The following UNC79 variants were observed in gnomAD, a reference collection of about 807,000 sequenced individuals.
UNC79 encodes the protein unc-79 subunit of NALCN channel complex.
A neutral mutation model predicts 283.1 loss-of-function variants in UNC79; 37 were observed. The observed-to-expected ratio is 0.13, with a 90% confidence interval of 0.10 to 0.17. UNC79 has a LOEUF of 0.17. UNC79 is among the 10% of genes least tolerant of loss of function. The pLI, the probability that UNC79 is intolerant of heterozygous loss-of-function variation, is 1.00. For missense variants in UNC79, 2,272 were observed against 3,211.1 expected (o/e 0.71, Z 7.07); for synonymous variants, 1,107 against 1,200.2 (o/e 0.92, Z 1.61).
chr14:93,378,291 T>C (rs190683273), intron 1 of UNC79, among the ~76,000 whole-genome samples: 78 of 152,344 alleles, frequency 5.1e-4, no homozygotes, highest in Admixed American at 1.9e-3. Flanking sequence ...TTCTTGAGGA[T>C]TGGCATTCTC....
intron 31 of UNC79, among the ~76,000 whole-genome samples, chr14:93,634,877 A>G (rs2068375472): frequency 6.6e-6 from 1 of 152,152 alleles, no homozygotes; most frequent in African/African-American, 2.4e-5. Context: ...CAGATTCCAG[A>G]TATTAGGTTA....
intron 30 of UNC79, 111 bp downstream of exon 32, chr14:93,622,952 G>T: frequency 7.3e-7 from 1 of 1,368,574 alleles, no homozygotes. Flanking sequence ...TAATGTCAGG[G>T]TGTGACATTA....
chr14:93,582,967 C>A (rs1052778691), intron 20 of UNC79, among the ~76,000 whole-genome samples: 2 of 152,032 alleles, frequency 1.3e-5, no homozygotes, highest in Non-Finnish European at 2.9e-5. Flanking sequence ...CTATATGAGA[C>A]CTGGGGCAAA....
intron 1 of UNC79, among the ~76,000 whole-genome samples, chr14:93,436,826 C>G (rs2056100535): frequency 6.6e-6 from 1 of 152,080 alleles, no homozygotes; most frequent in Admixed American, 6.6e-5. Flanking sequence ...GAACTTTTAG[C>G]TTCTTTCAGT....
chr14:93,439,553 G>A (rs191275170), intron 1 of UNC79, among the ~76,000 whole-genome samples: 1 of 151,926 alleles, frequency 6.6e-6, no homozygotes, highest in Non-Finnish European at 1.5e-5. Flanking sequence ...GTGTTTTTCT[G>A]GGGGGTAGAG....
chr14:93,583,455 G>T (rs1003174349), intron 20 of UNC79, among the ~76,000 whole-genome samples: 4 of 152,230 alleles, frequency 2.6e-5, no homozygotes, highest in African/African-American at 9.6e-5. Context: ...GGGGTTCATT[G>T]CAACTGTGGA....
chr14:93,347,369 C>A (rs1253076109), intron 1 of UNC79: 2 of 1,566,286 alleles, frequency 1.3e-6, no homozygotes, highest in Non-Finnish European at 1.7e-6. Flanking sequence ...TCGGGGCCCC[C>A]GCGCCAGCGG....
At chr14:93,605,046 C>T in intron 26 of UNC79, 85 bp downstream of exon 27, 4 of 1,424,636 alleles carry the variant, frequency 2.8e-6, no homozygotes, top group Non-Finnish European at 3.7e-6. Context: ...CTAACTGGAC[C>T]AGGGTGATAT....
Position 93,551,222 on chromosome 14 carries a change from T to C in UNC79, c.1755+8526T>C, listed in dbSNP as rs142164517. On this transcript the variant is annotated intron_variant, in intron 14 of 48. Transcript: ENST00000555664. ...CCGTCACTAAGCCCGGCTAATCTTCTGTATTTTTAGTAGAGACGGGGTTTC... is the reference window on the plus strand; with the variant it reads ...CCGTCACTAAGCCCGGCTAATCTTCCGTATTTTTAGTAGAGACGGGGTTTC... Among the ~76,000 whole-genome samples the C allele has an allele frequency of 4.1e-3, 619 of 152,276 alleles. 2 individuals are homozygous for C. Among genetic ancestry groups the C allele is most frequent in the African/African-American group, 0.013 (555 of 41,560 alleles).
intron 1 of UNC79, among the ~76,000 whole-genome samples, chr14:93,390,550 G>A (rs2054863142): frequency 6.6e-6 from 1 of 152,062 alleles, no homozygotes; most frequent in Non-Finnish European, 1.5e-5. Context: ...ACTTGATTGT[G>A]TATATATAGA....
At position 93,532,072 on chromosome 14, in the gene UNC79, C is replaced by T. The variant is rs543421304; in HGVS notation, c.1094-478C>T. Among the ~76,000 whole-genome samples the T allele has an allele frequency of 3.9e-5, 6 of 151,996 alleles. No homozygotes were observed. The South Asian group carries it at 6.3e-4, about 16-fold the overall frequency. On this transcript the variant is annotated intron_variant, in intron 10 of 48. Transcript: ENST00000555664. ...GAAACTAGAAGCCAATAAAAGTAGA[C>T]GATAATTTATGAGCCAAGTGAAAAT...
At chr14:93,571,914 G>A (rs1275916698) in exon 15 of UNC79, 1 of 1,613,966 alleles carries the variant, frequency 6.2e-7, no homozygotes. Flanking sequence ...ACTGGGATAA[G>A]TCCTGTAGCA....
At chr14:93,670,046 A>G (rs2072664747) in intron 40 of UNC79, among the ~76,000 whole-genome samples, 1 of 152,184 alleles carries the variant, frequency 6.6e-6, no homozygotes, top group Admixed American at 6.5e-5. Context: ...CTTCTGAGAC[A>G]CTTGCAATGT....
upstream of UNC79, among the ~76,000 whole-genome samples, chr14:93,425,858 T>C (rs994558): frequency 0.71 from 108,181 of 152,018 alleles, 38,995 homozygotes; most frequent in Middle Eastern, 0.78. Flanking sequence ...AACTTGGCTA[T>C]GTTTACATTT....
chr14:93,412,286 T>C (rs1370426579), intron 1 of UNC79, among the ~76,000 whole-genome samples: 4 of 151,900 alleles, frequency 2.6e-5, no homozygotes, highest in African/African-American at 9.7e-5. Flanking sequence ...CTACAGGATA[T>C]AGAAAATAGC....
At chr14:93,392,720 G>A (rs1205608094) in intron 1 of UNC79, among the ~76,000 whole-genome samples, 1 of 152,154 alleles carries the variant, frequency 6.6e-6, no homozygotes, top group Admixed American at 6.5e-5. Flanking sequence ...ACACAGGACT[G>A]TTAATTCGGT....
At chr14:93,385,402 T>G (rs1033926960) in intron 1 of UNC79, among the ~76,000 whole-genome samples, 5 of 70,958 alleles carry the variant, frequency 7.0e-5, no homozygotes, top group Admixed American at 5.0e-4. Flanking sequence ...AAAAATTAAT[T>G]CCTATTTTAT....
Position 93,618,494 on chromosome 14 carries a change from T to C in UNC79, c.4387+140T>C, listed in dbSNP as rs2066894007. 8 of 983,506 alleles carry C rather than the reference T, an allele frequency of 8.1e-6. No individual in the cohort carries two copies. In the Admixed American group the frequency reaches 1.4e-4, roughly 18 times the overall value. The allele number at this position is 983,506 out of a possible 1,614,324, so 60.9% of individuals were successfully genotyped here. On this transcript the variant is annotated intron_variant, in intron 29 of 48. Coordinates refer to ENST00000555664, the Ensembl canonical transcript of UNC79. ...AATCACTTTCTTAATTTTCCAACTTTCCATGAATGTTGCTGCTTTAACTTT... is the reference window on the plus strand; with the variant it reads ...AATCACTTTCTTAATTTTCCAACTTCCCATGAATGTTGCTGCTTTAACTTT...
At chr14:93,517,575 A>G (rs2060127898) in intron 7 of UNC79, among the ~76,000 whole-genome samples, 1 of 150,964 alleles carries the variant, frequency 6.6e-6, no homozygotes, top group Non-Finnish European at 1.5e-5. Context: ...TTCTCTTTCT[A>G]TTGAGATGAT....
Sources: gnomAD v4.1 joint callset for allele counts (sites outside exome capture counted in the v4.1 genomes callset) on GRCh38, gnomAD v4.1.1 for gene constraint, MANE v1.5 for transcripts, NCBI Gene and HGNC (gene_info 2026-07-23, HGNC 2026-07-21) for gene names.